Variants in SCN8A observed in about 807,000 individuals in gnomAD.
SCN8A encodes sodium channel protein type 8 subunit alpha.
In SCN8A, 30 loss-of-function variants were observed where a neutral mutation model predicts 184.1. That is an observed-to-expected ratio of 0.16 (90% CI 0.12 to 0.22). SCN8A has a LOEUF of 0.22. Among genes scored for constraint, SCN8A ranks in the 10% least tolerant of loss-of-function variants. The probability of loss-of-function intolerance (pLI) is 1.00; values close to 1 mark genes in which losing one functional copy is unlikely to be tolerated. For synonymous variants in SCN8A, 852 were observed against 907.0 expected, an observed-to-expected ratio of 0.94 and a Z score of 1.09; for missense variants, 1,057 against 2,498.9, an observed-to-expected ratio of 0.42 and a Z score of 12.30.
At chr12:51,615,016 A>G (rs1330390697) in intron 1 of SCN8A, among the ~76,000 whole-genome samples, 4 of 151,938 alleles carry the variant, frequency 2.6e-5, no homozygotes, top group African/African-American at 7.3e-5. Flanking sequence ...GCCCATGACA[A>G]TCTCTTTTAG....
intron 14 of SCN8A, among the ~76,000 whole-genome samples, chr12:51,760,940 A>G (rs1430442459): frequency 6.6e-6 from 1 of 152,272 alleles, no homozygotes; most frequent in South Asian, 2.1e-4. Flanking sequence ...AACAGCATCT[A>G]TAATCTAAGT....
chr12:51,649,898 A>G (rs1403905120), intron 1 of SCN8A, among the ~76,000 whole-genome samples: 1 of 152,122 alleles, frequency 6.6e-6, no homozygotes, highest in East Asian at 1.9e-4. Context: ...CTTTTCTATC[A>G]CATGGACAGG....
intron 20 of SCN8A, among the ~76,000 whole-genome samples, chr12:51,777,666 C>T (rs1385536696): frequency 6.6e-6 from 1 of 152,156 alleles, no homozygotes; most frequent in Non-Finnish European, 1.5e-5. Context: ...TATCTCCCAG[C>T]AACGTTTAGA....
intron 1 of SCN8A, among the ~76,000 whole-genome samples, chr12:51,650,727 C>G (rs929687287): frequency 2.0e-5 from 3 of 152,156 alleles, no homozygotes; most frequent in Non-Finnish European, 2.9e-5. Flanking sequence ...CAAGGAACAC[C>G]TGGCCCACCC....
At position 51,636,232 on chromosome 12, in the gene SCN8A, G is replaced by A. The variant is rs550903113; in HGVS notation, c.-54-26532G>A. On this transcript the variant is annotated intron_variant, in intron 1 of 26. Coordinates refer to ENST00000627620, the MANE Select transcript of SCN8A (RefSeq NM_001330260.2). ...GGGGTGGTCTTGATCTCCTGACCTC[G>A]TGATCCGCCTGCCTCGGCCTCCCAA... is the stretch of plus-strand genomic sequence containing the variant. Among the ~76,000 whole-genome samples, 10 of 152,250 alleles carry A rather than the reference G, an allele frequency of 6.6e-5. No homozygotes were observed. In the South Asian group the frequency reaches 8.3e-4, roughly 13 times the overall value.
intron 14 of SCN8A, among the ~76,000 whole-genome samples, chr12:51,761,271 T>C (rs1009921662): frequency 6.6e-6 from 1 of 151,880 alleles, no homozygotes; most frequent in Non-Finnish European, 1.5e-5. Context: ...AGCAGAAAAA[T>C]GGGAGATGGG....
intron 2 of SCN8A, among the ~76,000 whole-genome samples, chr12:51,671,583 A>G (rs900785500): frequency 6.6e-6 from 1 of 152,232 alleles, no homozygotes; most frequent in Non-Finnish European, 1.5e-5. Context: ...GGACTATTTA[A>G]TAATGGCCAT....
chr12:51,723,953 A>C (rs928555633), intron 12 of SCN8A, among the ~76,000 whole-genome samples: 1 of 152,164 alleles, frequency 6.6e-6, no homozygotes, highest in East Asian at 1.9e-4. Context: ...CTTACAGCTC[A>C]TCACTGATAG....
chr12:51,778,487 C>T (rs1165012642), intron 20 of SCN8A, among the ~76,000 whole-genome samples: 2 of 152,054 alleles, frequency 1.3e-5, no homozygotes, highest in Non-Finnish European at 2.9e-5. Context: ...CGGGGTTTCA[C>T]CATGTTGGCC....
At chr12:51,740,890 T>C (rs1309270842) in intron 12 of SCN8A, among the ~76,000 whole-genome samples, 6 of 152,186 alleles carry the variant, frequency 3.9e-5, no homozygotes, top group African/African-American at 1.4e-4. Context: ...GCTCAAGTGA[T>C]CCTCCTGCCT....
rs1592166670 is a variant in SCN8A at position 51,793,853 on chromosome 12, CAGAA to C, written c.4525-511_4525-508del. Among the ~76,000 whole-genome samples, 4 of 146,566 alleles carry C rather than the reference CAGAA, an allele frequency of 2.7e-5. No homozygotes were observed. In the East Asian group the frequency reaches 6.2e-4, roughly 23 times the overall value. On this transcript the variant is annotated intron_variant, in intron 25 of 26. Transcript: ENST00000627620. ...ACACAGTAAGACCCGTCTCTAAAAA[CAGAA>C]AGAAAGGCCAGGCATGATGGCTCAC... is the stretch of plus-strand genomic sequence containing the variant.
intron 11 of SCN8A, among the ~76,000 whole-genome samples, chr12:51,716,399 G>C (rs1161594217): frequency 6.6e-6 from 1 of 152,080 alleles, no homozygotes; most frequent in African/African-American, 2.4e-5. Flanking sequence ...TCTGAAAGGG[G>C]GTTTGGTGCT....
At chr12:51,753,733 T>G (rs1287353573) in intron 14 of SCN8A, among the ~76,000 whole-genome samples, 2 of 152,190 alleles carry the variant, frequency 1.3e-5, no homozygotes, top group Non-Finnish European at 2.9e-5. Context: ...CATCACTGGT[T>G]GGGAAGATAA....
chr12:51,654,547 A>T (rs756754814), intron 1 of SCN8A, among the ~76,000 whole-genome samples: 3 of 152,064 alleles, frequency 2.0e-5, no homozygotes, highest in Non-Finnish European at 2.9e-5. Context: ...CCATTAGTCT[A>T]TATGTCTGTC....
intron 2 of SCN8A, among the ~76,000 whole-genome samples, chr12:51,663,462 T>C (rs1232472460): frequency 6.6e-6 from 1 of 152,226 alleles, no homozygotes; most frequent in Non-Finnish European, 1.5e-5. Context: ...TTGTTACTAT[T>C]GTGACATCAG....
intron 1 of SCN8A, among the ~76,000 whole-genome samples, chr12:51,644,395 C>T (rs1940517376): frequency 6.6e-6 from 1 of 152,172 alleles, no homozygotes; most frequent in Non-Finnish European, 1.5e-5. Flanking sequence ...ATAACTACCT[C>T]AGAGGGTTGT....
rs1472543031 is a variant in SCN8A at position 51,808,264 on chromosome 12, A to G, written c.*835A>G. On this transcript the variant is annotated 3_prime_UTR_variant, in exon 27 of 27. Transcript: ENST00000627620. ...TTCTTTGAGTTCTTAAAAGTCCTTCATACACCTTCTGGGTAGGGAAACAAC... is the reference window on the plus strand; with the variant it reads ...TTCTTTGAGTTCTTAAAAGTCCTTCGTACACCTTCTGGGTAGGGAAACAAC... 1 of 152,590 alleles carries G rather than the reference A, an allele frequency of 6.6e-6. No individual in the cohort carries two copies. Among genetic ancestry groups the G allele is most frequent in the African/African-American group, 2.4e-5 (1 of 41,408 alleles). The allele number at this position is 152,590 out of a possible 1,614,324, so 9.5% of individuals were successfully genotyped here. A position where few individuals can be genotyped will look rare whatever the true frequency, so the allele number is the denominator to read the frequency against.
intron 1 of SCN8A, among the ~76,000 whole-genome samples, chr12:51,592,859 A>G (rs976765350): frequency 6.6e-6 from 1 of 152,034 alleles, no homozygotes; most frequent in African/African-American, 2.4e-5. Flanking sequence ...CGGGTGTGGT[A>G]GGTTTTTCAC....
intron 9 of SCN8A, among the ~76,000 whole-genome samples, chr12:51,704,463 A>G (rs1206110222): frequency 6.7e-6 from 1 of 150,132 alleles, no homozygotes; most frequent in East Asian, 2.0e-4. Context: ...TGAGGCCAGG[A>G]GTTCAAGACC....
Sources: gnomAD v4.1 joint callset for allele counts (sites outside exome capture counted in the v4.1 genomes callset) on GRCh38, gnomAD v4.1.1 for gene constraint, MANE v1.5 for transcripts, NCBI Gene and HGNC (gene_info 2026-07-23, HGNC 2026-07-21) for gene names.